HSPG2: variants seen among roughly 807,000 people sequenced by gnomAD.
The protein encoded by HSPG2 is heparan sulfate proteoglycan 2, also known as basement membrane-specific heparan sulfate proteoglycan core protein.
A neutral mutation model predicts 526.6 loss-of-function variants in HSPG2; 278 were observed. That is an observed-to-expected ratio of 0.53 (90% CI 0.48 to 0.58). The LOEUF (loss-of-function observed/expected upper bound fraction) is 0.58, where lower values mean the gene tolerates loss of function less well. Among genes scored for constraint, HSPG2 ranks in the 20% least tolerant of loss-of-function variants. The pLI is 0.00. For synonymous variants in HSPG2, 2,465 were observed against 2,555.4 expected (o/e 0.96, Z 1.07); for missense variants, 5,354 against 6,099.5 (o/e 0.88, Z 4.07).
chr1:21,831,637 G>GGGGTT lies in HSPG2; in HGVS notation c.11352+10_11352+14dup, dbSNP rs2098004568. 2 of 1,610,516 alleles carry GGGGTT rather than the reference G, an allele frequency of 1.2e-6. No homozygotes were observed. Among genetic ancestry groups the GGGGTT allele is most frequent in the Non-Finnish European group, 8.5e-7 (1 of 1,178,470 alleles). On this transcript the variant is annotated intron_variant, in intron 82 of 96. Coordinates refer to ENST00000374695, the MANE Select transcript of HSPG2 (RefSeq NM_005529.7). ...GGATGAGGGCTGGAAGTAGCAGTATGGGGTTGGGTCTCACCTGGGAGGTCC... is the reference window on the plus strand; with the variant it reads ...GGATGAGGGCTGGAAGTAGCAGTATGGGGTTGGGTTGGGTCTCACCTGGGAGGTCC...
Position 21,904,759 on chromosome 1 carries a change from G to A in HSPG2, c.64-8449C>T, listed in dbSNP as rs575313850. On this transcript the variant is annotated intron_variant, in intron 1 of 96. Coordinates refer to ENST00000374695, the MANE Select transcript of HSPG2 (RefSeq NM_005529.7). The surrounding 1 kb of genome is among the most constrained non-coding windows in gnomAD (Gnocchi z 4.4). ...GGTCCCTGGGGGTCGAACACTATCT[G>A]CCAGGCACCACGGCTGCCGGCAACA... Among the ~76,000 whole-genome samples, 1 of 152,306 alleles carries A rather than the reference G, an allele frequency of 6.6e-6. No individual in the cohort carries two copies. Among genetic ancestry groups the A allele is most frequent in the African/African-American group, 2.4e-5 (1 of 41,578 alleles).
chr1:21,836,968 C>A lies in HSPG2; in HGVS notation c.10189G>T (p.Gly3397Trp). ...GSLPATSIPA[G>W]STPTVQVTPQ... ...GTGACCTGCACGGTGGGCGTGGACC[C>A]TGCTGGGATGGAGGTGGCAGGGAGA... is the stretch of plus-strand genomic sequence containing the variant. Residue 3397 changes from glycine to tryptophan, a missense_variant, in exon 75 of 97, where the codon GGG becomes TGG. Coordinates refer to ENST00000374695, the MANE Select transcript of HSPG2 (RefSeq NM_005529.7). 1 of 1,554,518 alleles carries A rather than the reference C, an allele frequency of 6.4e-7. No homozygotes were observed.
chr1:21,866,688 T>C (rs943805797), intron 33 of HSPG2, among the ~76,000 whole-genome samples: 1 of 152,202 alleles, frequency 6.6e-6, no homozygotes, highest in African/African-American at 2.4e-5. Context: ...GCAGAGGACC[T>C]TCACGTGGAC....
intron 1 of HSPG2, among the ~76,000 whole-genome samples, chr1:21,925,715 T>G (rs1167773848): frequency 6.6e-6 from 1 of 152,100 alleles, no homozygotes; most frequent in Non-Finnish European, 1.5e-5. Context: ...TGGACCCACC[T>G]TCTCCACACA....
rs368807853 is a variant in HSPG2, at chr1:21,875,853, T to A, written c.3183+10A>T. 292 of 1,613,604 alleles carry A rather than the reference T, an allele frequency of 1.8e-4. No homozygotes were observed. The highest frequency in any genetic ancestry group is 2.3e-4 in the Non-Finnish European group (276 of 1,179,958). On this transcript the variant is annotated intron_variant, in intron 24 of 96. Transcript: ENST00000374695. Reference sequence around the variant, plus strand: ...CCGCACCCCTACCCCCAGGGGACAGTATTGCTCACCTCCCGGAAAGGCACA... The same window carrying A: ...CCGCACCCCTACCCCCAGGGGACAGAATTGCTCACCTCCCGGAAAGGCACA...
At position 21,830,733 on chromosome 1, in the gene HSPG2, G is replaced by A. The variant is rs532188391; in HGVS notation, c.11671+249C>T. 9 of 504,404 alleles carry A rather than the reference G, an allele frequency of 1.8e-5. No individual in the cohort carries two copies. In the East Asian group the frequency reaches 2.3e-4, roughly 13 times the overall value. The allele number at this position is 504,404 out of a possible 1,614,324, so 31.2% of individuals were successfully genotyped here. A position where few individuals can be genotyped will look rare whatever the true frequency, so the allele number is the denominator to read the frequency against. On this transcript the variant is annotated intron_variant, in intron 85 of 96. Transcript: ENST00000374695. ...AAAAAGATGGGCTGGGGGTGGGGGA[G>A]TGCCTGGGTGGCGGGGTAGTGGTAA...
rs767498467 is a variant in HSPG2 at position 21,828,060 on chromosome 1, G to A, written c.12502C>T (p.Pro4168Ser). The stretch of plus-strand genomic sequence containing the variant: ...TGGCAGCGTGGGCCAGAGAAGCCAG[G>A]GAGGCAGAGGCAGCGGGTGCCCTGG... ...TCQGTRCLCL[P>S]GFSGPRCQQG... Residue 4168 changes from proline (P) to serine (S), a missense_variant, in exon 90 of 97, where the codon CCT (proline) becomes TCT (serine). Physicochemically the swap from Pro to Ser is moderately conservative, Grantham distance 74. Transcript: ENST00000374695. This position sits in a 1 kb window ranked among gnomAD's most constrained non-coding sequence, Gnocchi z 6.0. 1.2e-6 allele frequency: 2 copies of A among 1,613,644 alleles called. No homozygotes were observed. Among genetic ancestry groups the A allele is most frequent in the Admixed American group, 3.3e-5 (2 of 60,034 alleles).
At chr1:21,861,896 C>T (rs1639819223) in intron 38 of HSPG2, 53 bp from the exon 39 acceptor site, 1 of 1,613,078 alleles carries the variant, frequency 6.2e-7, no homozygotes. Flanking sequence ...CTCCATCTTG[C>T]TCCCTTCACT....
In HSPG2 at chr1:21,839,136, G is replaced by A. The variant is rs377149067; in HGVS notation, c.9890-51C>T. 6.5e-6 allele frequency: 10 copies of A among 1,548,954 alleles called. No homozygotes were observed. In the Middle Eastern group the frequency reaches 5.3e-4, roughly 82 times the overall value. ...GATTGGGGAGGGCAAAGGTCAGAAT[G>A]GCAGCAGGTCGTTGGATCCAGTGTC... On this transcript the variant is annotated intron_variant, in intron 73 of 96. Transcript: ENST00000374695. The surrounding 1 kb of genome is among the most constrained non-coding windows in gnomAD (Gnocchi z 4.5).
chr1:21,914,859 A>G (rs904499307), intron 1 of HSPG2, among the ~76,000 whole-genome samples: 8 of 152,130 alleles, frequency 5.3e-5, no homozygotes, highest in Admixed American at 6.5e-5. Flanking sequence ...GCCCACCTGA[A>G]CTGCCCAGAG....
Position 21,864,460 on chromosome 1 carries a change from G to A in HSPG2, c.4627-247C>T, listed in dbSNP as rs2152735510. 6.6e-6 allele frequency among the ~76,000 whole-genome samples: 1 copy of A among 152,300 alleles called. No individual in the cohort carries two copies. Among genetic ancestry groups the A allele is most frequent in the Middle Eastern group, 3.4e-3 (1 of 294 alleles). On this transcript the variant is annotated intron_variant, in intron 36 of 96. Transcript: ENST00000374695. The surrounding 1 kb of genome is among the most constrained non-coding windows in gnomAD (Gnocchi z 4.8). ...CCGGAGTAATCTGTGTTTCTGAATT[G>A]GCTCCCTGTCTCTGGTGGGCCCCCT...
At chr1:21,866,891 T>C (rs994829720) in intron 33 of HSPG2, among the ~76,000 whole-genome samples, 1 of 152,198 alleles carries the variant, frequency 6.6e-6, no homozygotes, top group African/African-American at 2.4e-5. Flanking sequence ...TACAGGGATA[T>C]TCTCCATGAG....
At position 21,846,416 on chromosome 1, in the gene HSPG2, G is replaced by A. The variant is rs370652512; in HGVS notation, c.8316+32C>T. The A allele has an allele frequency of 7.9e-4, 1,270 of 1,612,738 alleles. 9 individuals carry two copies. Among genetic ancestry groups the A allele is most frequent in the East Asian group, 6.3e-3 (284 of 44,888 alleles). ...GCTAGCCAGGGCCCCCACATCCAGC[G>A]GCTCTCCCACCATTTCCTGCCAGCT... is the stretch of plus-strand genomic sequence containing the variant. On this transcript the variant is annotated intron_variant, in intron 63 of 96. Coordinates refer to ENST00000374695, the MANE Select transcript of HSPG2 (RefSeq NM_005529.7).
intron 75 of HSPG2, among the ~76,000 whole-genome samples, chr1:21,836,326 C>A (rs1026168690): frequency 1.3e-5 from 2 of 152,112 alleles, no homozygotes; most frequent in African/African-American, 4.8e-5. Flanking sequence ...TCCTTTCAGT[C>A]TTTTTTCTTT....
chr1:21,832,602 C>T lies in HSPG2; in HGVS notation c.11100G>A (p.Met3700Ile), dbSNP rs769276439. 6.2e-7 allele frequency: 1 copy of T among 1,613,846 alleles called. No individual in the cohort carries two copies. The highest frequency in any genetic ancestry group is 1.1e-5 in the South Asian group (1 of 91,080). The change falls in exon 81 of 97, where the codon ATG (methionine) becomes ATA (isoleucine). Residue 3700 changes from methionine (M) to isoleucine (I), a missense_variant. Physicochemically the swap from Met to Ile is conservative, Grantham distance 10. Transcript: ENST00000374695. ...CTCGCTTCTGCCCATTGTACAGCAG[C>T]ATCCCTGGGTGGGCACCACTGTGTA... is the stretch of plus-strand genomic sequence containing the variant. ...ITFRPDSADG[M>I]LLYNGQKRVP...
In HSPG2 at chr1:21,831,815, CG is replaced by C; in HGVS notation, c.11208-20del. On this transcript the variant is annotated intron_variant, in intron 81 of 96. Transcript: ENST00000374695. ...ATCGAACCTGCTCCGTGGGGCAGGCCGGGGCAGGAGAGAGTGGATAGGGGGT... is the reference window on the plus strand; with the variant it reads ...ATCGAACCTGCTCCGTGGGGCAGGCCGGGCAGGAGAGAGTGGATAGGGGGT... 6.3e-7 allele frequency: 1 copy of C among 1,587,106 alleles called. No homozygotes were observed. Among genetic ancestry groups the C allele is most frequent in the South Asian group, 1.1e-5 (1 of 87,014 alleles).
Position 21,876,641 on chromosome 1 carries a change from C to T in HSPG2, c.2697G>A (p.Val899=), listed in dbSNP as rs1572329637. The T allele has an allele frequency of 6.2e-7, 1 of 1,614,234 alleles. No homozygotes were observed. The highest frequency in any genetic ancestry group is 8.5e-7 in the Non-Finnish European group (1 of 1,180,036). ...GEACRCKNNV[V]GRLCNECADG... is the part of the protein sequence containing the mutation. ...CAGCACATTCATTGCACAAGCGCCC[C>T]ACCACATTGTTCTGCAGGCACAGAG... The change falls in exon 22 of 97, where the codon GTG becomes GTA. Residue 899 remains valine, a synonymous_variant. Transcript: ENST00000374695.
At chr1:21,867,785 C>T (rs1477373546) in intron 33 of HSPG2, among the ~76,000 whole-genome samples, 2 of 152,052 alleles carry the variant, frequency 1.3e-5, no homozygotes, top group Non-Finnish European at 2.9e-5. Flanking sequence ...AGCTGGAGTA[C>T]AGTGCTGCAA....
rs753871530 is a variant in HSPG2, at chr1:21,839,951, C to A, written c.9580G>T (p.Ala3194Ser). 8 of 1,614,156 alleles carry A rather than the reference C, an allele frequency of 5.0e-6. No homozygotes were observed. The highest frequency in any genetic ancestry group is 6.8e-6 in the Non-Finnish European group (8 of 1,180,028). The change falls in exon 72 of 97, where the codon GCA (alanine) becomes TCA (serine). Residue 3194 changes from alanine to serine, a missense_variant. Ala to Ser is a moderately conservative substitution (Grantham distance 99). Coordinates refer to ENST00000374695, the MANE Select transcript of HSPG2 (RefSeq NM_005529.7). This position sits in a 1 kb window ranked among gnomAD's most constrained non-coding sequence, Gnocchi z 4.5. ...VCLAQNALGT[A>S]QKQVEVIVDT... ...ACGATCACCTCCACCTGCTTCTGTG[C>A]TGTGCCTAGTGCATTCTGAGCAAGG...
Sources: allele counts gnomAD v4.1 joint callset (sites outside exome capture counted in the v4.1 genomes callset), GRCh38; gene constraint gnomAD v4.1.1; non-coding constraint Gnocchi (gnomAD v3.1); transcripts MANE v1.5; gene names NCBI Gene and HGNC (gene_info 2026-07-23, HGNC 2026-07-21).